The following SORT1 variants were observed in gnomAD, a reference collection of about 807,000 sequenced individuals.
SORT1 encodes the protein sortilin 1, also known as sortilin.
Under a neutral mutation model 101.7 loss-of-function variants are expected in SORT1, and 39 were observed. That is an observed-to-expected ratio of 0.38 (90% CI 0.30 to 0.50). The LOEUF is 0.50. Ranked by LOEUF, SORT1 falls within the 20% of genes least tolerant of loss-of-function variation. The probability of loss-of-function intolerance (pLI) is 0.90; values close to 1 mark genes in which losing one functional copy is unlikely to be tolerated. For missense variants in SORT1, 878 were observed against 1,040.4 expected (o/e 0.84, Z 2.15); for synonymous variants, 396 against 393.7 (o/e 1.01, Z -0.07).
intron 3 of SORT1, among the ~76,000 whole-genome samples, chr1:109,363,542 A>T (rs1398581402): frequency 2.6e-5 from 4 of 152,108 alleles, no homozygotes; most frequent in Non-Finnish European, 5.9e-5. Context: ...CAAATCCTTC[A>T]ATAATTCTTT....
chr1:109,313,293 A>T lies in SORT1; in HGVS notation c.*750T>A, dbSNP rs769763268. On this transcript the variant is annotated 3_prime_UTR_variant, in exon 20 of 20. Coordinates refer to ENST00000256637, the MANE Select transcript of SORT1 (RefSeq NM_002959.7). ...TTTTAATAGGTGCTATATCTAGTCA[A>T]TTCTCTGCTGCTCCCTTCTTCCTGC... is the stretch of plus-strand genomic sequence containing the variant. 1.3e-5 allele frequency: 2 copies of T among 152,742 alleles called. No individual in the cohort carries two copies. Among genetic ancestry groups the T allele is most frequent in the Admixed American group, 1.3e-4 (2 of 15,292 alleles). The allele number at this position is 152,742 out of a possible 1,614,324, so 9.5% of individuals were successfully genotyped here.
chr1:109,356,149 G>T (rs1650308888), intron 3 of SORT1, among the ~76,000 whole-genome samples: 1 of 152,190 alleles, frequency 6.6e-6, no homozygotes, highest in Admixed American at 6.5e-5. Flanking sequence ...TGGGATTACA[G>T]GCATGAGCCA....
At chr1:109,372,938 G>A (rs376899459) in intron 1 of SORT1, among the ~76,000 whole-genome samples, 1 of 150,754 alleles carries the variant, frequency 6.6e-6, no homozygotes, top group South Asian at 2.1e-4. Context: ...AGCCAGGCGC[G>A]GTAGCTACTC....
chr1:109,345,949 A>G (rs1249743202), intron 7 of SORT1, 68 bp from the exon 8 acceptor site: 2 of 1,323,914 alleles, frequency 1.5e-6, no homozygotes, highest in Non-Finnish European at 2.1e-6. Context: ...CAGTTGTTTT[A>G]GAATCAATCT....
At chr1:109,361,075 C>T (rs146149134) in intron 3 of SORT1, among the ~76,000 whole-genome samples, 1 of 152,268 alleles carries the variant, frequency 6.6e-6, no homozygotes, top group African/African-American at 2.4e-5. Flanking sequence ...GCAGTCTGTG[C>T]AATTTAGATA....
intron 1 of SORT1, among the ~76,000 whole-genome samples, chr1:109,378,703 T>C (rs1238805773): frequency 0.018 from 19 of 1,078 alleles, no homozygotes; most frequent in African/African-American, 0.022. Context: ...GTGAATGATA[T>C]ATATATATAT....
At chr1:109,327,764 T>A (rs2101553591) in intron 11 of SORT1, among the ~76,000 whole-genome samples, 163 bp from the exon 12 acceptor site, 1 of 152,380 alleles carries the variant, frequency 6.6e-6, no homozygotes. Flanking sequence ...TTCAGTAGTG[T>A]TAAGTATATT....
At chr1:109,347,354 C>G in intron 7 of SORT1, 129 bp downstream of exon 7, 1 of 623,212 alleles carries the variant, frequency 1.6e-6, no homozygotes, top group Non-Finnish European at 2.9e-6. Context: ...TAACCACTAA[C>G]AGCTTTCTTT....
intron 10 of SORT1, among the ~76,000 whole-genome samples, chr1:109,340,146 C>CAAAAAAAAAAAAAAAAAAAA (rs34790280): frequency 1.0e-5 from 1 of 96,294 alleles, no homozygotes; most frequent in Non-Finnish European, 2.1e-5. Context: ...GATTCCATCT[C>CAAAAAAAAAAAAAAAAAAAA]AAAAAAAAAA....
At chr1:109,362,600 G>A (rs1650795300) in intron 3 of SORT1, among the ~76,000 whole-genome samples, 1 of 151,986 alleles carries the variant, frequency 6.6e-6, no homozygotes, top group Non-Finnish European at 1.5e-5. Context: ...CATGTTTTCT[G>A]TAGAAATTTT....
chr1:109,333,820 T>C (rs537711752), intron 11 of SORT1, among the ~76,000 whole-genome samples: 1 of 152,292 alleles, frequency 6.6e-6, no homozygotes, highest in East Asian at 1.9e-4. Context: ...GTACAGCCAT[T>C]ATGCAATACC....
chr1:109,327,481 G>A lies in SORT1; in HGVS notation c.1474+18C>T. 1 of 1,478,682 alleles carries A rather than the reference G, an allele frequency of 6.8e-7. No homozygotes were observed. The highest frequency in any genetic ancestry group is 9.4e-7 in the Non-Finnish European group (1 of 1,067,708). 91.6% of individuals were successfully genotyped at this position (1,478,682 alleles called of 1,614,324 possible). Reference sequence around the variant, plus strand: ...AGCCACTGTTCCAGTTGGAGGTGGTGAGTGGGAGGTTCCTTACCATGAGCA... The same window carrying A: ...AGCCACTGTTCCAGTTGGAGGTGGTAAGTGGGAGGTTCCTTACCATGAGCA... On this transcript the variant is annotated intron_variant, in intron 12 of 19. Coordinates refer to ENST00000256637, the MANE Select transcript of SORT1 (RefSeq NM_002959.7).
At chr1:109,335,256 C>T (rs1431482747) in intron 11 of SORT1, among the ~76,000 whole-genome samples, 2 of 152,136 alleles carry the variant, frequency 1.3e-5, no homozygotes, top group African/African-American at 4.8e-5. Flanking sequence ...GCCAAGAGAG[C>T]CACAACGAGC....
chr1:109,397,313 A>C (rs1653242920), intron 1 of SORT1: 1 of 155,150 alleles, frequency 6.4e-6, no homozygotes, highest in South Asian at 2.1e-4. Flanking sequence ...TATACAGACG[A>C]AAAACGATGT....
At chr1:109,380,704 G>A (rs1394932555) in intron 1 of SORT1, among the ~76,000 whole-genome samples, 1 of 150,276 alleles carries the variant, frequency 6.7e-6, no homozygotes, top group Admixed American at 6.7e-5. Flanking sequence ...ACAGGCCGGT[G>A]CAGTGGCTCA....
intron 11 of SORT1, among the ~76,000 whole-genome samples, chr1:109,329,894 G>A (rs1648344842): frequency 6.6e-6 from 1 of 152,192 alleles, no homozygotes; most frequent in Non-Finnish European, 1.5e-5. Context: ...TCCAATAGCA[G>A]CAGAATATAC....
chr1:109,372,675 T>G (rs1308330167), intron 1 of SORT1, among the ~76,000 whole-genome samples: 1 of 151,388 alleles, frequency 6.6e-6, no homozygotes, highest in Non-Finnish European at 1.5e-5. Flanking sequence ...CCCCAGTACT[T>G]TGGGAGGCCG....
At chr1:109,377,297 T>G (rs1222837838) in intron 1 of SORT1, among the ~76,000 whole-genome samples, 1 of 152,222 alleles carries the variant, frequency 6.6e-6, no homozygotes, top group Non-Finnish European at 1.5e-5. Context: ...GGTCTTATAT[T>G]TATTAGATGC....
At chr1:109,325,977 GGT>G (rs1400819231) in intron 13 of SORT1, among the ~76,000 whole-genome samples, 1 of 151,660 alleles carries the variant, frequency 6.6e-6, no homozygotes, top group Non-Finnish European at 1.5e-5. Flanking sequence ...CTCCAGCCTG[GGT>G]GACAAGAGCA....
Sources: allele counts gnomAD v4.1 joint callset (sites outside exome capture counted in the v4.1 genomes callset), GRCh38; gene constraint gnomAD v4.1.1; transcripts MANE v1.5; gene names NCBI Gene and HGNC (gene_info 2026-07-23, HGNC 2026-07-21).